The following PTPN12 variants were observed in gnomAD, a reference collection of about 807,000 sequenced individuals.
PTPN12 encodes tyrosine-protein phosphatase non-receptor type 12.
Under a neutral mutation model 97.6 loss-of-function variants are expected in PTPN12, and 29 were observed. The observed-to-expected ratio is 0.30, with a 90% CI of 0.22 to 0.41. PTPN12 has a LOEUF of 0.41. PTPN12 is among the 10% of genes least tolerant of loss of function. PTPN12 has a pLI of 1.00. For synonymous variants in PTPN12, 327 were observed against 300.4 expected (o/e 1.09, Z -0.91); for missense variants, 819 against 926.0 (o/e 0.88, Z 1.50).
At chr7:77,573,120 T>G (rs1787216807) in intron 2 of PTPN12, among the ~76,000 whole-genome samples, 1 of 122,956 alleles carries the variant, frequency 8.1e-6, no homozygotes, top group Non-Finnish European at 1.7e-5. Flanking sequence ...AAAACCAGTG[T>G]ACCTAGCACA....
intron 9 of PTPN12, among the ~76,000 whole-genome samples, chr7:77,608,030 T>G (rs1788434765): frequency 6.6e-6 from 1 of 152,226 alleles, no homozygotes; most frequent in Admixed American, 6.5e-5. Flanking sequence ...GCCGGGATTG[T>G]AGGCGTGAGC....
At chr7:77,634,174 T>G (rs970685030) in intron 14 of PTPN12, among the ~76,000 whole-genome samples, 2 of 68,610 alleles carry the variant, frequency 2.9e-5, no homozygotes, top group Non-Finnish European at 4.8e-5. Context: ...TACTCCAGTT[T>G]GGTAACAGTG....
At position 77,537,534 on chromosome 7, in the gene PTPN12, G is replaced by C; in HGVS notation, c.-13G>C. The C allele has an allele frequency of 6.3e-7, 1 of 1,585,682 alleles. No individual in the cohort carries two copies. Among genetic ancestry groups the C allele is most frequent in the Non-Finnish European group, 8.6e-7 (1 of 1,168,222 alleles). On this transcript the variant is annotated 5_prime_UTR_variant, in exon 1 of 18. Transcript: ENST00000248594. ...GGGGGGGCCAGCGACCGCAGCCGGG[G>C]GGACGCGGGAGGATGGAGCAAGTGG...
chr7:77,634,749 T>G (rs1275588775), intron 14 of PTPN12, among the ~76,000 whole-genome samples: 1 of 151,948 alleles, frequency 6.6e-6, no homozygotes. Flanking sequence ...CTAATTTTTT[T>G]GTATTTTTTT....
chr7:77,617,705 C>G (rs1788799414), intron 11 of PTPN12, among the ~76,000 whole-genome samples: 1 of 152,152 alleles, frequency 6.6e-6, no homozygotes, highest in Admixed American at 6.5e-5. Context: ...TTAAAATACC[C>G]TAGCTAGATA....
At chr7:77,608,374 T>C (rs1445790744) in intron 9 of PTPN12, among the ~76,000 whole-genome samples, 1 of 152,222 alleles carries the variant, frequency 6.6e-6, no homozygotes, top group Non-Finnish European at 1.5e-5. Context: ...ACTGTTGCTG[T>C]TGTGATTGTT....
chr7:77,610,651 A>G (rs1788539913), intron 9 of PTPN12, 114 bp from the exon 10 acceptor site: 3 of 1,106,668 alleles, frequency 2.7e-6, no homozygotes, highest in African/African-American at 1.6e-5. Flanking sequence ...GTGGTGTTCA[A>G]TAAATGTTTG....
chr7:77,636,901 A>G, intron 15 of PTPN12, 117 bp from the exon 16 acceptor site: 1 of 677,702 alleles, frequency 1.5e-6, no homozygotes, highest in Non-Finnish European at 2.5e-6. Flanking sequence ...TTTTCCTCTG[A>G]TGCTGAAAAT....
chr7:77,563,041 A>G (rs984318704), intron 1 of PTPN12, among the ~76,000 whole-genome samples: 1 of 152,046 alleles, frequency 6.6e-6, no homozygotes, highest in Non-Finnish European at 1.5e-5. Flanking sequence ...ATTTTAAAAC[A>G]TGAAGTCTGT....
At chr7:77,556,100 T>C (rs1807699162) in intron 1 of PTPN12, among the ~76,000 whole-genome samples, 1 of 152,042 alleles carries the variant, frequency 6.6e-6, no homozygotes, top group African/African-American at 2.4e-5. Context: ...TTGCTTTGTC[T>C]CCCAGGCTGG....
chr7:77,629,022 T>C (rs1287171865), intron 13 of PTPN12, among the ~76,000 whole-genome samples: 1 of 152,224 alleles, frequency 6.6e-6, no homozygotes, highest in African/African-American at 2.4e-5. Flanking sequence ...CAATCTTGGC[T>C]CACTGCAACC....
Position 77,627,401 on chromosome 7 carries a change from A to T in PTPN12, c.1722A>T (p.Thr574=). The change falls in exon 13 of 18, where the codon ACA becomes ACT. Residue 574 remains threonine, a synonymous_variant. Coordinates refer to ENST00000248594, the MANE Select transcript of PTPN12 (RefSeq NM_002835.4). ...KTVSLTPSPT[T]QVETPDLVDH... ...TGAGTTTAACACCAAGTCCTACAAC[A>T]CAAGTTGAAACACCTGATCTTGTGG... 1 of 1,614,140 alleles carries T rather than the reference A, an allele frequency of 6.2e-7. No individual in the cohort carries two copies. Among genetic ancestry groups the T allele is most frequent in the Non-Finnish European group, 8.5e-7 (1 of 1,179,966 alleles).
At chr7:77,633,793 C>T (rs114177077) in intron 14 of PTPN12, among the ~76,000 whole-genome samples, 3,151 of 151,944 alleles carry the variant, frequency 0.021, 100 homozygotes, top group African/African-American at 0.07. Context: ...GAGTCCAAGG[C>T]GCGAGGATTG....
Position 77,627,609 on chromosome 7 carries a change from A to G in PTPN12, c.1930A>G (p.Lys644Glu), listed in dbSNP as rs1789246079. The part of the protein sequence containing the change: ...ATSTESISTR[K>E]VLPMSIARHN... ...TAGTACTGAAAGCATTTCTACTAGG[A>G]AAGTATTGCCAATGTCCATTGCTAG... is the stretch of plus-strand genomic sequence containing the variant. The change falls in exon 13 of 18, where the codon AAA becomes GAA. Residue 644 changes from lysine to glutamate, a missense_variant. Coordinates refer to ENST00000248594, the MANE Select transcript of PTPN12 (RefSeq NM_002835.4). The G allele has an allele frequency of 5.6e-6, 9 of 1,612,486 alleles. No homozygotes were observed. The highest frequency in any genetic ancestry group is 6.8e-6 in the Non-Finnish European group (8 of 1,179,538).
At chr7:77,591,893 T>A (rs1787878200) in intron 5 of PTPN12, among the ~76,000 whole-genome samples, 1 of 152,182 alleles carries the variant, frequency 6.6e-6, no homozygotes, top group Non-Finnish European at 1.5e-5. Context: ...TAAAATTAGT[T>A]TTTCTTGTCT....
intron 1 of PTPN12, among the ~76,000 whole-genome samples, chr7:77,540,307 G>A (rs1180101980): frequency 1.4e-5 from 2 of 147,950 alleles, no homozygotes; most frequent in Non-Finnish European, 3.0e-5. Flanking sequence ...GCTCAATCTC[G>A]GCTCACTGCA....
At chr7:77,610,450 A>G (rs1421906772) in intron 9 of PTPN12, among the ~76,000 whole-genome samples, 2 of 152,154 alleles carry the variant, frequency 1.3e-5, no homozygotes, top group African/African-American at 4.8e-5. Flanking sequence ...TTCACTTTTT[A>G]TGGGATAACC....
chr7:77,567,803 C>G (rs1713086000), intron 1 of PTPN12, among the ~76,000 whole-genome samples: 1 of 152,028 alleles, frequency 6.6e-6, no homozygotes, highest in South Asian at 2.1e-4. Context: ...GTAATTAGTT[C>G]AATAATAATA....
intron 2 of PTPN12, among the ~76,000 whole-genome samples, chr7:77,579,939 G>A (rs1002805700): frequency 6.6e-6 from 1 of 152,228 alleles, no homozygotes; most frequent in Non-Finnish European, 1.5e-5. Context: ...GTAATACCCA[G>A]TCACCCTTAT....
Sources: allele counts gnomAD v4.1 joint callset (sites outside exome capture counted in the v4.1 genomes callset), GRCh38; gene constraint gnomAD v4.1.1; transcripts MANE v1.5; gene names NCBI Gene and HGNC (gene_info 2026-07-23, HGNC 2026-07-21).